Variants in GGA1 observed in about 807,000 individuals in gnomAD.
GGA1 encodes the protein golgi associated, gamma adaptin ear containing, ARF binding protein 1, also known as ADP-ribosylation factor-binding protein GGA1.
Under a neutral mutation model 76.9 loss-of-function variants are expected in GGA1, and 18 were observed. The observed-to-expected ratio is 0.23, with a 90% confidence interval of 0.16 to 0.35. GGA1 has a LOEUF of 0.35. Ranked by LOEUF, GGA1 falls within the 10% of genes least tolerant of loss-of-function variation. The pLI is 1.00. For missense variants in GGA1, 755 were observed against 859.0 expected, an observed-to-expected ratio of 0.88 and a Z score of 1.51; for synonymous variants, 342 against 354.7, an observed-to-expected ratio of 0.96 and a Z score of 0.40.
Position 37,625,033 on chromosome 22 carries a change from G to C in GGA1, c.897G>C (p.Arg299=), listed in dbSNP as rs1462449126. 9 of 1,601,910 alleles carry C rather than the reference G, an allele frequency of 5.6e-6. No homozygotes were observed. Among genetic ancestry groups the C allele is most frequent in the Non-Finnish European group, 6.8e-6 (8 of 1,175,046 alleles). Residue 299 remains arginine (R), a synonymous_variant, in exon 10 of 17, where the codon CGG becomes CGC. Coordinates refer to ENST00000343632, the MANE Select transcript of GGA1 (RefSeq NM_013365.5). This position sits in a 1 kb window ranked among gnomAD's most constrained non-coding sequence, Gnocchi z 4.1. The part of the protein sequence containing the change: ...QVINLYKQLV[R]GEEVNGDATA... ...TCAACCTGTATAAGCAGCTGGTGCGGGGTGAGGAGGTCAACGGTGATGCCA... is the reference window on the plus strand; with the variant it reads ...TCAACCTGTATAAGCAGCTGGTGCGCGGTGAGGAGGTCAACGGTGATGCCA...
At chr22:37,618,675 A>T in intron 4 of GGA1, 129 bp downstream of exon 4, 1 of 613,378 alleles carries the variant, frequency 1.6e-6, no homozygotes, top group Non-Finnish European at 3.0e-6. Context: ...CCCCATTAGA[A>T]CTCAGACCTA....
At position 37,618,490 on chromosome 22, in the gene GGA1, G is replaced by A. The variant is rs748157403; in HGVS notation, c.247G>A (p.Asp83Asn). Residue 83 changes from aspartate (D) to asparagine (N), a missense_variant, in exon 4 of 17, where the codon GAC (aspartate) becomes AAC (asparagine). By Grantham distance (23) the Asp-to-Asn change is conservative. Transcript: ENST00000343632. ...GAAGAGCTGCGGCAAGCGGTTCCAC[G>A]ACGAAGTGGGCAAGTTCCGCTTTCT... The part of the protein sequence containing the change: ...CMKSCGKRFH[D>N]EVGKFRFLNE... 2.0e-5 allele frequency: 32 copies of A among 1,613,560 alleles called. No homozygotes were observed. Among genetic ancestry groups the A allele is most frequent in the African/African-American group, 2.7e-5 (2 of 74,926 alleles).
rs768609545 is a variant in GGA1, at chr22:37,630,920, C to A, written c.1349C>A (p.Thr450Asn). The change falls in exon 14 of 17, where the codon ACC (threonine) becomes AAC (asparagine). Residue 450 changes from threonine to asparagine, a missense_variant. Physicochemically the swap from Thr to Asn is moderately conservative, Grantham distance 65. Coordinates refer to ENST00000343632, the MANE Select transcript of GGA1 (RefSeq NM_013365.5). ...QQVRWEKQQP[T>N]PRLTLRDLQN... is the part of the protein sequence containing the mutation. ...CGATTAAGGGAGAAGCAGCAGCCAA[C>A]CCCCCGGCTCACACTCCGGGACCTG... 1 of 1,608,020 alleles carries A rather than the reference C, an allele frequency of 6.2e-7. No homozygotes were observed. Among genetic ancestry groups the A allele is most frequent in the South Asian group, 1.1e-5 (1 of 90,568 alleles).
chr22:37,632,794 C>CT lies in GGA1; in HGVS notation c.*86dup. ...GGAGGCATTGGTGGCCAAGGACACC[C>CT]TTTGTTGCCCATGGCCATTCACCCC... On this transcript the variant is annotated 3_prime_UTR_variant, in exon 17 of 17. Transcript: ENST00000343632. The surrounding 1 kb of genome is among the most constrained non-coding windows in gnomAD (Gnocchi z 5.1). 1 of 816,752 alleles carries CT rather than the reference C, an allele frequency of 1.2e-6. No individual in the cohort carries two copies. The highest frequency in any genetic ancestry group is 2.1e-6 in the Non-Finnish European group (1 of 483,144). 50.6% of individuals were successfully genotyped at this position (816,752 alleles called of 1,614,324 possible).
rs140988198 is a variant in GGA1, at chr22:37,628,329, C to T, written c.1094-1133C>T. On this transcript the variant is annotated intron_variant, in intron 11 of 16. Transcript: ENST00000343632. ...ACCCCAGCTTCAGCCTCCCAAATAG[C>T]TGGGATTACAGACATTAGCCACTGC... Among the ~76,000 whole-genome samples, 529 of 152,260 alleles carry T rather than the reference C, an allele frequency of 3.5e-3. 4 individuals carry two copies. The highest frequency in any genetic ancestry group is 0.012 in the African/African-American group (509 of 41,540).
chr22:37,623,579 C>T lies in GGA1; in HGVS notation c.778C>T (p.Arg260Trp), dbSNP rs1211800717. The change falls in exon 9 of 17, where the codon CGG becomes TGG. Residue 260 changes from arginine (R) to tryptophan (W), a missense_variant. By Grantham distance (101) the Arg-to-Trp change is moderately radical. Coordinates refer to ENST00000343632, the MANE Select transcript of GGA1 (RefSeq NM_013365.5). This position sits in a 1 kb window ranked among gnomAD's most constrained non-coding sequence, Gnocchi z 4.6. ...ACTGTACCAGCGCTGTGAGCGGATGCGGCCCACGCTCTTCCGACTGGCGAG... is the reference window on the plus strand; with the variant it reads ...ACTGTACCAGCGCTGTGAGCGGATGTGGCCCACGCTCTTCCGACTGGCGAG... ...KELYQRCERMRPTLFRLASDT... is the reference protein window; with the variant it reads ...KELYQRCERMWPTLFRLASDT... 4 of 1,608,810 alleles carry T rather than the reference C, an allele frequency of 2.5e-6. No individual in the cohort carries two copies. The highest frequency in any genetic ancestry group is 3.4e-6 in the Non-Finnish European group (4 of 1,177,450).
chr22:37,613,093 T>G, intron 1 of GGA1: 1 of 985,290 alleles, frequency 1.0e-6, no homozygotes. Flanking sequence ...AAAAGAGAAC[T>G]GACCCAGCAC....
intron 1 of GGA1, chr22:37,609,329 C>T (rs1310352553): frequency 2.7e-6 from 3 of 1,102,594 alleles, no homozygotes; most frequent in African/African-American, 3.4e-5. Context: ...CCTCCACTCT[C>T]TGGCCCTGCA....
In GGA1 at chr22:37,631,110, C is replaced by A; in HGVS notation, c.1528+11C>A. 6.5e-7 allele frequency: 1 copy of A among 1,547,994 alleles called. No homozygotes were observed. Among genetic ancestry groups the A allele is most frequent in the South Asian group, 1.2e-5 (1 of 82,950 alleles). On this transcript the variant is annotated intron_variant, in intron 14 of 16. Coordinates refer to ENST00000343632, the MANE Select transcript of GGA1 (RefSeq NM_013365.5). ...AGTCCATCAAACCCAGTGAGTAGGGCTGGGGCAGGTGCAGGCTGGGTTGGG... is the reference window on the plus strand; with the variant it reads ...AGTCCATCAAACCCAGTGAGTAGGGATGGGGCAGGTGCAGGCTGGGTTGGG...
intron 1 of GGA1, among the ~76,000 whole-genome samples, chr22:37,609,960 G>C (rs1927198539): frequency 6.6e-6 from 1 of 152,174 alleles, no homozygotes; most frequent in Non-Finnish European, 1.5e-5. Context: ...AAACCTCTAG[G>C]GATGTTTCAG....
Position 37,612,252 on chromosome 22 carries a change from T to C in GGA1, c.44-1938T>C, listed in dbSNP as rs191604882. On this transcript the variant is annotated intron_variant, in intron 1 of 16. Transcript: ENST00000343632. ...GGCCGAGGCAGGTGGATCACGAGGT[T>C]AGGAGATCAAGACCATCCTGGCTAA... Among the ~76,000 whole-genome samples, 838 of 148,386 alleles carry C rather than the reference T, an allele frequency of 5.6e-3. 10 individuals are homozygous for C. Among genetic ancestry groups the C allele is most frequent in the African/African-American group, 0.02 (798 of 39,802 alleles).
chr22:37,632,618 C>A lies in GGA1; in HGVS notation c.1827C>A (p.Arg609=). The A allele has an allele frequency of 1.2e-6, 2 of 1,612,900 alleles. No homozygotes were observed. The highest frequency in any genetic ancestry group is 1.7e-6 in the Non-Finnish European group (2 of 1,178,946). The change falls in exon 17 of 17, where the codon CGC becomes CGA. Residue 609 remains arginine, a synonymous_variant. Coordinates refer to ENST00000343632, the MANE Select transcript of GGA1 (RefSeq NM_013365.5). This position sits in a 1 kb window ranked among gnomAD's most constrained non-coding sequence, Gnocchi z 5.1. ...TTCCCCAGGAGAAGGTTCGCCTCCGCTACAAGCTCACCTTCACCATGGGTG... is the reference window on the plus strand; with the variant it reads ...TTCCCCAGGAGAAGGTTCGCCTCCGATACAAGCTCACCTTCACCATGGGTG... ...ANPQKEKVRL[R]YKLTFTMGDQ... is the part of the protein sequence containing the mutation.
intron 6 of GGA1, 91 bp from the exon 7 acceptor site, chr22:37,621,525 A>C (rs1348879385): frequency 2.2e-5 from 17 of 764,204 alleles, no homozygotes; most frequent in Non-Finnish European, 3.6e-5. Flanking sequence ...CAGGTCCCAC[A>C]GGCAGGAAGC....
rs976448896 is a variant in GGA1 at position 37,623,546 on chromosome 22, C to A, written c.751-6C>A. On this transcript the variant is annotated splice_polypyrimidine_tract_variant and splice_region_variant and intron_variant, in intron 8 of 16. Transcript: ENST00000343632. This position sits in a 1 kb window ranked among gnomAD's most constrained non-coding sequence, Gnocchi z 4.6. ...GACCCTGACCCGCCCATCCTGCTGC[C>A]CTCAGGAACTGTACCAGCGCTGTGA... 2 of 1,612,932 alleles carry A rather than the reference C, an allele frequency of 1.2e-6. No individual in the cohort carries two copies. Among genetic ancestry groups the A allele is most frequent in the African/African-American group, 1.3e-5 (1 of 74,920 alleles).
At chr22:37,614,320 A>AG (rs1215333136) in intron 2 of GGA1, 46 bp downstream of exon 2, 1 of 1,353,970 alleles carries the variant, frequency 7.4e-7, no homozygotes, top group African/African-American at 1.4e-5. Flanking sequence ...CACTCTCCAG[A>AG]ACCCAGTCTC....
intron 4 of GGA1, among the ~76,000 whole-genome samples, chr22:37,619,236 T>C (rs954914199): frequency 1.3e-5 from 2 of 151,398 alleles, no homozygotes; most frequent in African/African-American, 4.9e-5. Context: ...CGGCTAATTT[T>C]TTGTATTTTT....
At chr22:37,620,201 G>A in intron 4 of GGA1, 37 bp from the exon 5 acceptor site, 3 of 1,612,088 alleles carry the variant, frequency 1.9e-6, no homozygotes, top group Non-Finnish European at 1.7e-6. Context: ...GAGTGGGGCT[G>A]GGCAGTATCA....
intron 1 of GGA1, among the ~76,000 whole-genome samples, chr22:37,611,391 G>T (rs1407357231): frequency 6.6e-6 from 1 of 152,108 alleles, no homozygotes; most frequent in African/African-American, 2.4e-5. Flanking sequence ...CACCTCCCAG[G>T]CTGTCTGCAC....
intron 1 of GGA1, chr22:37,613,169 G>T (rs1601501654): frequency 3.0e-6 from 3 of 985,086 alleles, no homozygotes; most frequent in African/African-American, 3.5e-5. Flanking sequence ...AGGGAATGAA[G>T]GCTTTCTGAA....
Sources: gnomAD v4.1 joint callset for allele counts (sites outside exome capture counted in the v4.1 genomes callset) on GRCh38, gnomAD v4.1.1 for gene constraint, Gnocchi (gnomAD v3.1) non-coding constraint, MANE v1.5 for transcripts, NCBI Gene and HGNC (gene_info 2026-07-23, HGNC 2026-07-21) for gene names.